DENND1A: variants seen among roughly 807,000 people sequenced by gnomAD.
The protein encoded by DENND1A is DENN domain containing 1A.
A neutral mutation model predicts 113.7 loss-of-function variants in DENND1A; 51 were observed. The observed-to-expected ratio is 0.45, with a 90% CI of 0.36 to 0.57. DENND1A has a LOEUF of 0.57. Among genes scored for constraint, DENND1A ranks in the 20% least tolerant of loss-of-function variants. DENND1A has a pLI of 0.00. For synonymous variants in DENND1A, 565 were observed against 570.8 expected, an observed-to-expected ratio of 0.99 and a Z score of 0.14; for missense variants, 1,258 against 1,395.9, an observed-to-expected ratio of 0.90 and a Z score of 1.57.
intron 18 of DENND1A, among the ~76,000 whole-genome samples, chr9:123,444,320 A>T (rs945567397): frequency 1.3e-5 from 2 of 152,246 alleles, no homozygotes; most frequent in Non-Finnish European, 2.9e-5. Flanking sequence ...CAATGGGAAT[A>T]TTAAATAATG....
chr9:123,814,661 CAAAG>C (rs377668569), intron 2 of DENND1A, among the ~76,000 whole-genome samples: 41 of 152,214 alleles, frequency 2.7e-4, no homozygotes, highest in African/African-American at 8.9e-4. Context: ...GGAACTGACT[CAAAG>C]AGACCTTGGA....
intron 2 of DENND1A, among the ~76,000 whole-genome samples, chr9:123,866,747 A>T (rs985518592): frequency 2.6e-5 from 4 of 152,194 alleles, no homozygotes; most frequent in Non-Finnish European, 4.4e-5. Flanking sequence ...AATTTACAAA[A>T]CAACCTGCCA....
intron 5 of DENND1A, among the ~76,000 whole-genome samples, chr9:123,717,667 T>C (rs1013491302): frequency 6.6e-6 from 1 of 152,252 alleles, no homozygotes; most frequent in Non-Finnish European, 1.5e-5. Context: ...CCTATTTTAA[T>C]GTAAGGCTTT....
chr9:123,746,815 G>A (rs1219004332), intron 5 of DENND1A, among the ~76,000 whole-genome samples: 2 of 152,100 alleles, frequency 1.3e-5, no homozygotes, highest in Admixed American at 1.3e-4. Context: ...CAGTGGTCAC[G>A]GGACAACAGT....
At chr9:123,540,492 T>C (rs746990998) in intron 13 of DENND1A, among the ~76,000 whole-genome samples, 73 of 152,224 alleles carry the variant, frequency 4.8e-4, no homozygotes, top group Non-Finnish European at 9.7e-4. Flanking sequence ...GTCCTAAAGA[T>C]CAGGAAACAG....
chr9:123,890,834 A>T (rs548096631), intron 1 of DENND1A, among the ~76,000 whole-genome samples: 15 of 152,200 alleles, frequency 9.9e-5, no homozygotes, highest in African/African-American at 2.2e-4. Context: ...TACCTCCAAC[A>T]TATAATTGTA....
chr9:123,615,758 C>T (rs1293479408), intron 10 of DENND1A, among the ~76,000 whole-genome samples: 58 of 152,174 alleles, frequency 3.8e-4, no homozygotes, highest in South Asian at 8.3e-4. Flanking sequence ...GATTGTCAGT[C>T]ACAAAAGCAC....
chr9:123,427,656 T>C (rs1417124131), intron 19 of DENND1A, among the ~76,000 whole-genome samples: 1 of 152,216 alleles, frequency 6.6e-6, no homozygotes, highest in Non-Finnish European at 1.5e-5. Context: ...GCTGAGACAG[T>C]GTCTCCTGTT....
chr9:123,787,833 G>A (rs1292140090), intron 3 of DENND1A, among the ~76,000 whole-genome samples: 1 of 152,104 alleles, frequency 6.6e-6, no homozygotes, highest in African/African-American at 2.4e-5. Context: ...TGCTTATAGA[G>A]CTTGTACAAG....
At chr9:123,443,052 C>T (rs2047045746) in intron 18 of DENND1A, among the ~76,000 whole-genome samples, 1 of 152,120 alleles carries the variant, frequency 6.6e-6, no homozygotes, top group African/African-American at 2.4e-5. Context: ...ACACTTAGTT[C>T]CCACAATGAT....
chr9:123,820,097 G>A (rs754607897), intron 2 of DENND1A, among the ~76,000 whole-genome samples: 16 of 152,226 alleles, frequency 1.1e-4, no homozygotes, highest in Middle Eastern at 3.4e-3. Context: ...GTAAAAGTGA[G>A]GGACAAAAAG....
intron 13 of DENND1A, among the ~76,000 whole-genome samples, chr9:123,514,470 T>C (rs2053729429): frequency 6.6e-6 from 1 of 151,470 alleles, no homozygotes; most frequent in African/African-American, 2.4e-5. Context: ...GGTGAGGAAG[T>C]AGACAGAGGA....
intron 22 of DENND1A, 67 bp downstream of exon 22, chr9:123,387,663 C>A (rs1249811176): frequency 1.6e-6 from 2 of 1,273,518 alleles, no homozygotes; most frequent in East Asian, 5.7e-5. Flanking sequence ...CAGCCCCCCG[C>A]TTTCGCCATG....
intron 5 of DENND1A, among the ~76,000 whole-genome samples, chr9:123,686,168 G>A (rs2064798724): frequency 6.6e-6 from 1 of 152,208 alleles, no homozygotes; most frequent in Non-Finnish European, 1.5e-5. Context: ...TAGGTATCAA[G>A]TGTTAGGTGC....
At chr9:123,670,081 C>T (rs143377338) in intron 7 of DENND1A, among the ~76,000 whole-genome samples, 1 of 152,260 alleles carries the variant, frequency 6.6e-6, no homozygotes, top group Non-Finnish European at 1.5e-5. Flanking sequence ...ATTAGAGATA[C>T]ATATTTAGTA....
chr9:123,689,871 CTCAGCTACTCAG>C (rs2065052421), intron 5 of DENND1A, among the ~76,000 whole-genome samples: 1 of 151,764 alleles, frequency 6.6e-6, no homozygotes, highest in African/African-American at 2.4e-5. Flanking sequence ...TCCTGTATGC[CTCAGCTACTCAG>C]GAGGCTGAGG....
Position 123,387,855 on chromosome 9 carries a change from C to T in DENND1A, c.1635G>A (p.Leu545=). 7.8e-7 allele frequency: 1 copy of T among 1,289,808 alleles called. No homozygotes were observed. Among genetic ancestry groups the T allele is most frequent in the Non-Finnish European group, 1.0e-6 (1 of 988,790 alleles). 79.9% of individuals were successfully genotyped at this position (1,289,808 alleles called of 1,614,324 possible). The change falls in exon 22 of 24, where the codon CTG becomes CTA. Residue 545 remains leucine (L), a synonymous_variant. Coordinates refer to ENST00000394215, the MANE Select transcript of DENND1A (RefSeq NM_001352964.2). ...CCGCATAGTGTCGCAAGGGCTTTAC[C>T]AGGCTGGGGCAGAGGAAGACAAAAG... ...RRTSVPSPEH[L]VKPLRHYAVF...
At chr9:123,421,936 C>T (rs548971818) in intron 19 of DENND1A, among the ~76,000 whole-genome samples, 17 of 152,306 alleles carry the variant, frequency 1.1e-4, no homozygotes, top group Admixed American at 3.3e-4. Context: ...AGCCCCCTCA[C>T]GGGCCATGGC....
chr9:123,558,463 G>A (rs968024557), intron 12 of DENND1A, among the ~76,000 whole-genome samples: 2 of 152,198 alleles, frequency 1.3e-5, no homozygotes, highest in Non-Finnish European at 2.9e-5. Flanking sequence ...GGGCAAAGAA[G>A]CACGTAATAC....
Sources: allele counts gnomAD v4.1 joint callset (sites outside exome capture counted in the v4.1 genomes callset), GRCh38; gene constraint gnomAD v4.1.1; transcripts MANE v1.5; gene names NCBI Gene and HGNC (gene_info 2026-07-23, HGNC 2026-07-21).